Variants in NPTXR observed in about 807,000 individuals in gnomAD.
The protein encoded by NPTXR is neuronal pentraxin receptor.
In NPTXR, 12 loss-of-function variants were observed where a neutral mutation model predicts 32.2. That is an observed-to-expected ratio of 0.37 (90% CI 0.24 to 0.60). The LOEUF (loss-of-function observed/expected upper bound fraction) is 0.60. Among genes scored for constraint, NPTXR ranks in the 20% least tolerant of loss-of-function variants. The pLI is 0.66. For missense variants in NPTXR, 612 were observed against 682.9 expected (o/e 0.90, Z 1.16); for synonymous variants, 323 against 315.8 (o/e 1.02, Z -0.24).
intron 1 of NPTXR, among the ~76,000 whole-genome samples, chr22:38,840,593 G>A (rs1329292056): frequency 6.6e-6 from 1 of 152,092 alleles, no homozygotes; most frequent in African/African-American, 2.4e-5. Context: ...GGCACATGGA[G>A]GTACCTGGTT....
Position 38,828,588 on chromosome 22 carries a change from C to T in NPTXR, c.625-76G>A, listed in dbSNP as rs1477604292. The T allele has an allele frequency of 3.2e-6, 4 of 1,241,816 alleles. No individual in the cohort carries two copies. In the African/African-American group the frequency reaches 4.5e-5, roughly 14 times the overall value. 76.9% of individuals were successfully genotyped at this position (1,241,816 alleles called of 1,614,324 possible). A position where few individuals can be genotyped will look rare whatever the true frequency, so the allele number is the denominator to read the frequency against. On this transcript the variant is annotated intron_variant, in intron 1 of 4. Transcript: ENST00000333039. ...CTGGGAACACTCAGATGCCTACCGC[C>T]CCTGCTCAGTGACCCCAGGGGAGCC...
chr22:38,843,880 G>A lies in NPTXR; in HGVS notation c.-22C>T. 1.0e-6 allele frequency: 1 copy of A among 987,664 alleles called. No individual in the cohort carries two copies. The highest frequency in any genetic ancestry group is 4.5e-5 in the South Asian group (1 of 22,210). The allele number at this position is 987,664 out of a possible 1,614,324, so 61.2% of individuals were successfully genotyped here. The stretch of plus-strand genomic sequence containing the variant: ...TCAGCGTGAGGCGGGCGGCGGGGGC[G>A]CCCGAGGCCCCCGGCAGGCGCGGCG... On this transcript the variant is annotated 5_prime_UTR_variant, in exon 1 of 5. Coordinates refer to ENST00000333039, the MANE Select transcript of NPTXR (RefSeq NM_014293.4). The surrounding 1 kb of genome is among the most constrained non-coding windows in gnomAD (Gnocchi z 5.3).
At chr22:38,835,723 C>T (rs1464907947) in intron 1 of NPTXR, among the ~76,000 whole-genome samples, 1 of 152,186 alleles carries the variant, frequency 6.6e-6, no homozygotes, top group African/African-American at 2.4e-5. Flanking sequence ...CACCCCTAGC[C>T]CACTTCAGTG....
At chr22:38,839,984 A>G (rs1013452052) in intron 1 of NPTXR, among the ~76,000 whole-genome samples, 1 of 152,252 alleles carries the variant, frequency 6.6e-6, no homozygotes, top group Admixed American at 6.5e-5. Context: ...AAATGACGCA[A>G]TTGAATGCAG....
In NPTXR at chr22:38,843,652, G is replaced by A; in HGVS notation, c.207C>T (p.Ala69=). 1 of 1,051,408 alleles carries A rather than the reference G, an allele frequency of 9.5e-7. No homozygotes were observed. Among genetic ancestry groups the A allele is most frequent in the Non-Finnish European group, 1.1e-6 (1 of 875,142 alleles). The allele number at this position is 1,051,408 out of a possible 1,614,324, so 65.1% of individuals were successfully genotyped here. ...GTGCCCCGGGCAGCGCGGGGGGCCCGGCTGAACCGCCCGCGCCGTGCAGCG... is the reference window on the plus strand; with the variant it reads ...GTGCCCCGGGCAGCGCGGGGGGCCCAGCTGAACCGCCCGCGCCGTGCAGCG... The change falls in exon 1 of 5, where the codon GCC becomes GCT. Residue 69 remains alanine, a synonymous_variant. Coordinates refer to ENST00000333039, the MANE Select transcript of NPTXR (RefSeq NM_014293.4). The surrounding 1 kb of genome is among the most constrained non-coding windows in gnomAD (Gnocchi z 5.3).
chr22:38,833,801 C>T (rs1323454324), intron 1 of NPTXR, among the ~76,000 whole-genome samples: 1 of 151,898 alleles, frequency 6.6e-6, no homozygotes, highest in Non-Finnish European at 1.5e-5. Context: ...CTCAGCCTCC[C>T]GAGTAGCTGG....
At chr22:38,828,763 G>A (rs2093111609) in intron 1 of NPTXR, among the ~76,000 whole-genome samples, 1 of 152,264 alleles carries the variant, frequency 6.6e-6, no homozygotes, top group Non-Finnish European at 1.5e-5. Context: ...GACAGCTCAG[G>A]CTGTGGTGGG....
At chr22:38,836,428 C>T (rs763876693) in intron 1 of NPTXR, among the ~76,000 whole-genome samples, 30 of 152,228 alleles carry the variant, frequency 2.0e-4, no homozygotes, top group Non-Finnish European at 3.8e-4. Flanking sequence ...GCAATGAAAA[C>T]GGCAATCCTC....
chr22:38,837,413 C>G (rs2093125566), intron 1 of NPTXR, among the ~76,000 whole-genome samples: 1 of 152,252 alleles, frequency 6.6e-6, no homozygotes, highest in Non-Finnish European at 1.5e-5. Context: ...CTCCTCACTG[C>G]CAAACAGGCA....
chr22:38,835,900 G>A (rs916819456), intron 1 of NPTXR, among the ~76,000 whole-genome samples: 1 of 152,180 alleles, frequency 6.6e-6, no homozygotes, highest in Non-Finnish European at 1.5e-5. Flanking sequence ...CCACGGGGAT[G>A]ATGTGCCCAA....
intron 1 of NPTXR, among the ~76,000 whole-genome samples, chr22:38,831,607 C>T (rs2093116326): frequency 1.3e-5 from 2 of 152,084 alleles, no homozygotes; most frequent in Admixed American, 6.6e-5. Flanking sequence ...GGTCAGCCAC[C>T]CACTGCATTC....
At position 38,821,625 on chromosome 22, in the gene NPTXR, G is replaced by C. The variant is rs1279071605; in HGVS notation, c.*984C>G. On this transcript the variant is annotated 3_prime_UTR_variant, in exon 5 of 5. Transcript: ENST00000333039. Reference sequence around the variant, plus strand: ...GGCCACACAGCACATTAGCAGGGCTGGCTAGGAACCAAGGTCTTCTCCCTC... The same window carrying C: ...GGCCACACAGCACATTAGCAGGGCTCGCTAGGAACCAAGGTCTTCTCCCTC... 1 of 152,560 alleles carries C rather than the reference G, an allele frequency of 6.6e-6. No homozygotes were observed. The highest frequency in any genetic ancestry group is 1.9e-4 in the East Asian group (1 of 5,210). The allele number at this position is 152,560 out of a possible 1,614,324, so 9.5% of individuals were successfully genotyped here.
intron 1 of NPTXR, among the ~76,000 whole-genome samples, chr22:38,837,147 A>C (rs1423438217): frequency 6.6e-6 from 1 of 152,228 alleles, no homozygotes; most frequent in East Asian, 1.9e-4. Flanking sequence ...TTCAGACAGG[A>C]AACTGAGGCT....
chr22:38,827,013 C>A (rs376236477), intron 2 of NPTXR, among the ~76,000 whole-genome samples: 1 of 152,112 alleles, frequency 6.6e-6, no homozygotes, highest in Non-Finnish European at 1.5e-5. Context: ...TTGGGAGACC[C>A]GGGGTAGACA....
At chr22:38,838,576 T>C (rs867812227) in intron 1 of NPTXR, among the ~76,000 whole-genome samples, 16,482 of 57,210 alleles carry the variant, frequency 0.29, 1,503 homozygotes, top group East Asian at 0.36. Flanking sequence ...CCTGGCTATT[T>C]TTTTTTTTTT....
rs1222914068 is a variant in NPTXR at position 38,843,087 on chromosome 22, C to T, written c.624+148G>A. On this transcript the variant is annotated intron_variant, in intron 1 of 4. Coordinates refer to ENST00000333039, the MANE Select transcript of NPTXR (RefSeq NM_014293.4). The surrounding 1 kb of genome is among the most constrained non-coding windows in gnomAD (Gnocchi z 5.3). ...CCAGACGCCTGCCCGCGTTCCCTATCGAAATCCCCCCGCCTCGCCAGCGAG... is the reference window on the plus strand; with the variant it reads ...CCAGACGCCTGCCCGCGTTCCCTATTGAAATCCCCCCGCCTCGCCAGCGAG... 2 of 844,236 alleles carry T rather than the reference C, an allele frequency of 2.4e-6. No individual in the cohort carries two copies. Among genetic ancestry groups the T allele is most frequent in the Non-Finnish European group, 3.1e-6 (2 of 635,904 alleles). 52.3% of individuals were successfully genotyped at this position (844,236 alleles called of 1,614,324 possible).
At chr22:38,830,192 G>T (rs960941133) in intron 1 of NPTXR, among the ~76,000 whole-genome samples, 1 of 152,164 alleles carries the variant, frequency 6.6e-6, no homozygotes, top group Non-Finnish European at 1.5e-5. Flanking sequence ...CCACTGCCCC[G>T]TGAGAGTAGG....
chr22:38,835,090 G>T (rs947941897), intron 1 of NPTXR, among the ~76,000 whole-genome samples: 3 of 152,188 alleles, frequency 2.0e-5, no homozygotes, highest in Non-Finnish European at 1.5e-5. Flanking sequence ...CAATTGTAAG[G>T]CCCTTGACAG....
intron 1 of NPTXR, among the ~76,000 whole-genome samples, chr22:38,842,434 A>G (rs2146201392): frequency 6.6e-6 from 1 of 152,322 alleles, no homozygotes; most frequent in Admixed American, 6.5e-5. Context: ...GAAGGTGGCC[A>G]TGGGACTCCA....
Sources: allele counts gnomAD v4.1 joint callset (sites outside exome capture counted in the v4.1 genomes callset), GRCh38; gene constraint gnomAD v4.1.1; non-coding constraint Gnocchi (gnomAD v3.1); transcripts MANE v1.5; gene names NCBI Gene and HGNC (gene_info 2026-07-23, HGNC 2026-07-21).